BICD1: variants seen among roughly 807,000 people sequenced by gnomAD.
BICD1 encodes the protein BICD cargo adaptor 1.
Under a neutral mutation model 92.5 loss-of-function variants are expected in BICD1, and 35 were observed. That is an observed-to-expected ratio of 0.38 (90% CI 0.29 to 0.50). The LOEUF (loss-of-function observed/expected upper bound fraction) is 0.50, where lower values mean the gene tolerates loss of function less well. Among genes scored for constraint, BICD1 ranks in the 20% least tolerant of loss-of-function variants. The pLI is 0.93. For missense variants in BICD1, 950 were observed against 1,189.8 expected (o/e 0.80, Z 2.97); for synonymous variants, 429 against 465.1 (o/e 0.92, Z 1.00).
At chr12:32,239,427 G>A (rs1319094592) in intron 2 of BICD1, among the ~76,000 whole-genome samples, 2 of 150,060 alleles carry the variant, frequency 1.3e-5, no homozygotes, top group African/African-American at 2.4e-5. Context: ...TGAGCCGGGC[G>A]TGGTGGCGCA....
chr12:32,254,446 G>A (rs1946664860), intron 2 of BICD1, among the ~76,000 whole-genome samples: 1 of 152,268 alleles, frequency 6.6e-6, no homozygotes, highest in Non-Finnish European at 1.5e-5. Flanking sequence ...GGTGCTCAGT[G>A]AATATTTGCT....
chr12:32,146,413 C>G (rs1943104148), intron 1 of BICD1, among the ~76,000 whole-genome samples: 1 of 151,900 alleles, frequency 6.6e-6, no homozygotes, highest in African/African-American at 2.4e-5. Flanking sequence ...TTAAAGGGAA[C>G]TATGGTCAAG....
chr12:32,146,899 TTC>T (rs1419427725), intron 1 of BICD1, among the ~76,000 whole-genome samples: 3 of 144,486 alleles, frequency 2.1e-5, no homozygotes, highest in East Asian at 4.5e-4. Flanking sequence ...CCTCTTCTTC[TTC>T]TTTCTCTTCT....
chr12:32,336,336 A>G (rs958384210), intron 6 of BICD1, among the ~76,000 whole-genome samples: 1 of 152,230 alleles, frequency 6.6e-6, no homozygotes, highest in Non-Finnish European at 1.5e-5. Context: ...AAGATCACTA[A>G]GCTTATCTTT....
chr12:32,146,996 G>A (rs899010978), intron 1 of BICD1, among the ~76,000 whole-genome samples: 1 of 151,504 alleles, frequency 6.6e-6, no homozygotes, highest in African/African-American at 2.4e-5. Flanking sequence ...CTGGAATGTA[G>A]TGGTATGATC....
rs1353885812 is a variant in BICD1 at position 32,383,335 on chromosome 12, G to A, written c.*5708G>A. 1.3e-5 allele frequency: 2 copies of A among 152,082 alleles called. No individual in the cohort carries two copies. The highest frequency in any genetic ancestry group is 2.9e-5 in the Non-Finnish European group (2 of 67,958). The allele number at this position is 152,082 out of a possible 1,614,324, so 9.4% of individuals were successfully genotyped here. On this transcript the variant is annotated 3_prime_UTR_variant, in exon 10 of 10. Transcript: ENST00000652176. ...GAATTTCAAAAGAAATGTTCTCAAAGACACATGCATTTATTTTAAATTCAA... is the reference window on the plus strand; with the variant it reads ...GAATTTCAAAAGAAATGTTCTCAAAAACACATGCATTTATTTTAAATTCAA...
At chr12:32,179,806 C>T (rs1023861986) in intron 1 of BICD1, among the ~76,000 whole-genome samples, 3 of 151,578 alleles carry the variant, frequency 2.0e-5, no homozygotes, top group Admixed American at 1.3e-4. Flanking sequence ...ACCTGGCCAG[C>T]ATGGTGAAGC....
intron 2 of BICD1, among the ~76,000 whole-genome samples, chr12:32,221,176 T>C (rs1592501471): frequency 6.6e-6 from 1 of 151,480 alleles, no homozygotes; most frequent in East Asian, 1.9e-4. Flanking sequence ...CACACCAGCA[T>C]GGCACATGTA....
chr12:32,256,439 C>T (rs1057496306), intron 2 of BICD1, among the ~76,000 whole-genome samples: 2 of 152,110 alleles, frequency 1.3e-5, no homozygotes, highest in Non-Finnish European at 1.5e-5. Context: ...ATCATAAAAC[C>T]GAACCTTAAG....
intron 1 of BICD1, among the ~76,000 whole-genome samples, chr12:32,177,747 T>TATATAAATATATTTATATATTTATATAAA (rs1565567288): frequency 4.9e-5 from 4 of 82,216 alleles, no homozygotes; most frequent in Admixed American, 4.0e-4. Flanking sequence ...TTATATAAAA[T>TATATAAATATATTTATATATTTATATAAA]ATATATAAAT....
intron 1 of BICD1, among the ~76,000 whole-genome samples, chr12:32,139,837 G>C (rs1942850672): frequency 6.6e-6 from 1 of 152,138 alleles, no homozygotes; most frequent in African/African-American, 2.4e-5. Context: ...TGAGATTACA[G>C]GCGTGAGCCA....
intron 8 of BICD1, 29 bp from the exon 9 acceptor site, chr12:32,367,641 C>T (rs370280323): frequency 8.7e-6 from 14 of 1,603,936 alleles, no homozygotes; most frequent in Non-Finnish European, 1.1e-5. Context: ...TCTCTTTGTA[C>T]ACATGTCTAA....
At chr12:32,135,883 G>A (rs571633726) in intron 1 of BICD1, among the ~76,000 whole-genome samples, 1 of 150,396 alleles carries the variant, frequency 6.6e-6, no homozygotes, top group African/African-American at 2.4e-5. Flanking sequence ...AATAAAGGGG[G>A]AAGGAAGGTG....
chr12:32,210,771 A>G (rs1488036304), intron 1 of BICD1, among the ~76,000 whole-genome samples: 1 of 152,256 alleles, frequency 6.6e-6, no homozygotes, highest in Non-Finnish European at 1.5e-5. Flanking sequence ...AAGAATTTGC[A>G]ATCTGAACAA....
chr12:32,308,020 C>G (rs1170862766), intron 4 of BICD1, among the ~76,000 whole-genome samples: 1 of 152,216 alleles, frequency 6.6e-6, no homozygotes, highest in Non-Finnish European at 1.5e-5. Context: ...CAACAATTTT[C>G]AAGCAGGTCA....
rs543359237 is a variant in BICD1, at chr12:32,316,879, C to T, written c.1006-10582C>T. Among the ~76,000 whole-genome samples, 165 of 152,172 alleles carry T rather than the reference C, an allele frequency of 1.1e-3. No individual in the cohort carries two copies. The Middle Eastern group carries it at 0.014, about 13-fold the overall frequency. The stretch of plus-strand genomic sequence containing the variant: ...ACTCTCCCCACCCCACAACAGTCCC[C>T]GGTGTGTGATGTTCCCCTTCCTGTG... On this transcript the variant is annotated intron_variant, in intron 4 of 9. Coordinates refer to ENST00000652176, the MANE Select transcript of BICD1 (RefSeq NM_001714.4).
At chr12:32,267,977 G>GTT (rs5797466) in intron 2 of BICD1, among the ~76,000 whole-genome samples, 131 of 151,716 alleles carry the variant, frequency 8.6e-4, no homozygotes, top group Middle Eastern at 3.4e-3. Context: ...TTTAAAAAGT[G>GTT]TTTTTTTTGA....
intron 2 of BICD1, among the ~76,000 whole-genome samples, chr12:32,267,125 C>A (rs1252385394): frequency 6.6e-6 from 1 of 152,204 alleles, no homozygotes; most frequent in African/African-American, 2.4e-5. Context: ...TTGGTAAATG[C>A]TCTCTGATAG....
intron 1 of BICD1, among the ~76,000 whole-genome samples, chr12:32,210,926 C>T (rs1945196634): frequency 6.6e-6 from 1 of 152,204 alleles, no homozygotes; most frequent in African/African-American, 2.4e-5. Context: ...AGGAGATACT[C>T]AGGAGGTGAT....
Sources: gnomAD v4.1 joint callset for allele counts (sites outside exome capture counted in the v4.1 genomes callset) on GRCh38, gnomAD v4.1.1 for gene constraint, MANE v1.5 for transcripts, NCBI Gene and HGNC (gene_info 2026-07-23, HGNC 2026-07-21) for gene names.